ELMO1: variants seen among roughly 807,000 people sequenced by gnomAD.
The protein encoded by ELMO1 is engulfment and cell motility protein 1.
Under a neutral mutation model 98.9 loss-of-function variants are expected in ELMO1, and 26 were observed. The observed-to-expected ratio is 0.26, with a 90% CI of 0.19 to 0.36. The LOEUF is 0.36. Ranked by LOEUF, ELMO1 falls within the 10% of genes least tolerant of loss-of-function variation. ELMO1 has a pLI of 1.00. For synonymous variants in ELMO1, 346 were observed against 346.0 expected, an observed-to-expected ratio of 1.00 and a Z score of 0.00; for missense variants, 627 against 935.2, an observed-to-expected ratio of 0.67 and a Z score of 4.30.
chr7:37,333,420 G>C (rs1343655479), intron 2 of ELMO1, among the ~76,000 whole-genome samples: 1 of 152,206 alleles, frequency 6.6e-6, no homozygotes, highest in Non-Finnish European at 1.5e-5. Context: ...TGGCAGTGTT[G>C]TGGAAGGAAG....
intron 1 of ELMO1, among the ~76,000 whole-genome samples, chr7:37,390,383 A>G (rs1803016205): frequency 6.6e-6 from 1 of 152,166 alleles, no homozygotes; most frequent in South Asian, 2.1e-4. Context: ...CCTCCCATCA[A>G]GTAGGAAATC....
intron 5 of ELMO1, chr7:37,270,508 G>A (rs958026370): frequency 3.3e-5 from 5 of 152,168 alleles, no homozygotes; most frequent in Non-Finnish European, 7.4e-5. Context: ...AGTGGAAACT[G>A]AAAATGATAG....
intron 1 of ELMO1, among the ~76,000 whole-genome samples, chr7:37,436,494 G>A (rs556884516): frequency 6.6e-6 from 1 of 152,316 alleles, no homozygotes; most frequent in South Asian, 2.1e-4. Context: ...CACTAATTTG[G>A]AGAAGCAGTT....
chr7:37,337,665 G>T (rs1410485691), intron 2 of ELMO1, among the ~76,000 whole-genome samples: 2 of 152,206 alleles, frequency 1.3e-5, no homozygotes, highest in Admixed American at 6.5e-5. Flanking sequence ...AGGAGATAAA[G>T]GCATCAGGTA....
At chr7:36,919,382 C>A (rs765568027) in intron 16 of ELMO1, 2 of 532,688 alleles carry the variant, frequency 3.8e-6, no homozygotes, top group Non-Finnish European at 7.7e-6. Flanking sequence ...ATTCCTGAAC[C>A]AATCTCTCTG....
intron 1 of ELMO1, among the ~76,000 whole-genome samples, chr7:37,395,907 A>C (rs1803282892): frequency 6.6e-6 from 1 of 151,496 alleles, no homozygotes; most frequent in South Asian, 2.1e-4. Context: ...ATTAACAGTG[A>C]GAAAAAATGC....
chr7:37,412,277 C>G (rs1486131650), intron 1 of ELMO1, among the ~76,000 whole-genome samples: 5 of 152,194 alleles, frequency 3.3e-5, no homozygotes, highest in Non-Finnish European at 7.3e-5. Context: ...GAGTTCTATT[C>G]TCAGGAGCCA....
chr7:36,868,892 G>T (rs543498762), intron 20 of ELMO1, among the ~76,000 whole-genome samples: 4 of 152,224 alleles, frequency 2.6e-5, no homozygotes, highest in African/African-American at 9.6e-5. Flanking sequence ...CAAGTGTTAC[G>T]TAACTGTGGG....
intron 1 of ELMO1, among the ~76,000 whole-genome samples, chr7:37,402,457 C>T (rs539970180): frequency 6.6e-5 from 10 of 152,162 alleles, no homozygotes; most frequent in African/African-American, 2.4e-4. Flanking sequence ...GGAAGGATAG[C>T]TCTTGGTGTT....
chr7:37,098,128 A>T (rs1784457847), intron 14 of ELMO1, among the ~76,000 whole-genome samples: 1 of 152,212 alleles, frequency 6.6e-6, no homozygotes. Context: ...ACTTTGAATG[A>T]TCATCTCTCA....
At chr7:36,986,602 A>C (rs1449395868) in intron 16 of ELMO1, 2 of 152,160 alleles carry the variant, frequency 1.3e-5, no homozygotes, top group Non-Finnish European at 2.9e-5. Flanking sequence ...AGCGAGTTGG[A>C]TTCGTGCAGA....
At chr7:37,018,965 T>A (rs1159634433) in intron 15 of ELMO1, among the ~76,000 whole-genome samples, 2 of 151,556 alleles carry the variant, frequency 1.3e-5, no homozygotes, top group African/African-American at 4.9e-5. Flanking sequence ...GGGGCGGGGG[T>A]GCTTAGAGTC....
At chr7:37,401,000 G>T (rs1392998750) in intron 1 of ELMO1, among the ~76,000 whole-genome samples, 2 of 152,126 alleles carry the variant, frequency 1.3e-5, no homozygotes, top group Admixed American at 6.5e-5. Flanking sequence ...AATTGAAAGA[G>T]ACATCCGCCT....
intron 16 of ELMO1, among the ~76,000 whole-genome samples, chr7:36,910,141 A>C (rs567734656): frequency 6.6e-6 from 1 of 152,250 alleles, no homozygotes; most frequent in Non-Finnish European, 1.5e-5. Flanking sequence ...ATATAATAAT[A>C]ACTTTTGAAT....
intron 16 of ELMO1, among the ~76,000 whole-genome samples, chr7:36,976,554 C>T (rs556957102): frequency 1.7e-4 from 26 of 152,304 alleles, no homozygotes; most frequent in South Asian, 8.3e-4. Context: ...CATCTCTTAA[C>T]GTGACAGGGA....
intron 4 of ELMO1, among the ~76,000 whole-genome samples, 157 bp from the exon 5 acceptor site, chr7:37,272,039 T>C (rs1031129094): frequency 6.6e-6 from 1 of 152,192 alleles, no homozygotes; most frequent in Non-Finnish European, 1.5e-5. Flanking sequence ...ACTTTCTATC[T>C]GACAATATTC....
At chr7:37,116,879 G>T in intron 14 of ELMO1, 1 of 201,012 alleles carries the variant, frequency 5.0e-6, no homozygotes, top group Non-Finnish European at 1.1e-5. Flanking sequence ...ACGAGTGTGT[G>T]GGCAAGGAGA....
At chr7:37,019,140 CT>C (rs1319655830) in intron 15 of ELMO1, among the ~76,000 whole-genome samples, 1 of 152,162 alleles carries the variant, frequency 6.6e-6, no homozygotes, top group Non-Finnish European at 1.5e-5. Context: ...ATTATCATCC[CT>C]GTTTCACAGA....
intron 15 of ELMO1, among the ~76,000 whole-genome samples, chr7:37,036,421 A>G (rs1795178112): frequency 6.6e-6 from 1 of 152,174 alleles, no homozygotes; most frequent in African/African-American, 2.4e-5. Context: ...CCCAGGTTGG[A>G]GTGCAATAGT....
Sources: allele counts gnomAD v4.1 joint callset (sites outside exome capture counted in the v4.1 genomes callset), GRCh38; gene constraint gnomAD v4.1.1; transcripts MANE v1.5; gene names NCBI Gene and HGNC (gene_info 2026-07-23, HGNC 2026-07-21).